Variants in MTMR7 observed in about 807,000 individuals in gnomAD.
MTMR7 encodes the protein myotubularin related protein 7.
In MTMR7, 76 loss-of-function variants were observed where a neutral mutation model predicts 81.2. The ratio of observed to expected loss-of-function variants is 0.94; its 90% CI spans 0.78 to 1.13. MTMR7 has a LOEUF of 1.13. Ranked by LOEUF, MTMR7 falls within the 50% of genes most tolerant of loss-of-function variation. The pLI is 0.00. For synonymous variants in MTMR7, 372 were observed against 289.8 expected (o/e 1.28, Z -2.88); for missense variants, 1,044 against 820.0 (o/e 1.27, Z -3.34).
At chr8:17,320,984 C>G (rs1818360993) in intron 7 of MTMR7, among the ~76,000 whole-genome samples, 1 of 144,326 alleles carries the variant, frequency 6.9e-6, no homozygotes. Flanking sequence ...CCATAGATAA[C>G]ATTCTCTTGC....
rs563695930 is a variant in MTMR7, at chr8:17,328,834, G to A, written c.865+2316C>T. ...ACTTCATTAAATAACAAAATTGCTT[G>A]CTATGTGACTGAAAGGCATCATTTT... On this transcript the variant is annotated intron_variant, in intron 7 of 13. Coordinates refer to ENST00000180173, the MANE Select transcript of MTMR7 (RefSeq NM_004686.5). Among the ~76,000 whole-genome samples the A allele has an allele frequency of 3.3e-5, 5 of 152,306 alleles. No homozygotes were observed. The South Asian group carries it at 1.0e-3, about 32-fold the overall frequency.
chr8:17,323,815 C>G (rs1478437412), intron 7 of MTMR7, among the ~76,000 whole-genome samples: 1 of 152,166 alleles, frequency 6.6e-6, no homozygotes, highest in Non-Finnish European at 1.5e-5. Context: ...TTAGCCACAA[C>G]TGTCTTGAGT....
chr8:17,354,783 C>G (rs966793122), intron 4 of MTMR7, among the ~76,000 whole-genome samples: 4 of 152,168 alleles, frequency 2.6e-5, no homozygotes, highest in Non-Finnish European at 5.9e-5. Context: ...GGATATCTCT[C>G]TCTCCATGGA....
rs1816839078 is a variant in MTMR7 at position 17,298,013 on chromosome 8, C to CTGTT, written c.*1845_*1848dup. The CTGTT allele has an allele frequency of 6.6e-6, 1 of 152,118 alleles. No individual in the cohort carries two copies. Among genetic ancestry groups the CTGTT allele is most frequent in the South Asian group, 2.1e-4 (1 of 4,828 alleles). The allele number at this position is 152,118 out of a possible 1,614,324, so 9.4% of individuals were successfully genotyped here. On this transcript the variant is annotated 3_prime_UTR_variant, in exon 14 of 14. Transcript: ENST00000180173. ...TTGCTTTTCAAATAAAAGCATAGTG[C>CTGTT]TGTTTGGCATAGATACTTTGTCATT...
chr8:17,407,555 C>A, intron 1 of MTMR7, among the ~76,000 whole-genome samples: 1 of 151,192 alleles, frequency 6.6e-6, no homozygotes, highest in Non-Finnish European at 1.5e-5. Flanking sequence ...TATAATAGCC[C>A]TAAAATGGGG....
chr8:17,355,782 T>C (rs1563354849), intron 4 of MTMR7, among the ~76,000 whole-genome samples: 4 of 151,610 alleles, frequency 2.6e-5, no homozygotes, highest in Admixed American at 2.0e-4. Flanking sequence ...AGCAAAAATG[T>C]GAGTAGATAA....
At chr8:17,372,789 A>C (rs1473752015) in intron 2 of MTMR7, among the ~76,000 whole-genome samples, 2 of 152,138 alleles carry the variant, frequency 1.3e-5, no homozygotes, top group Non-Finnish European at 2.9e-5. Context: ...GACTATTGCA[A>C]ATGGAGCACT....
chr8:17,297,603 A>G lies in MTMR7; in HGVS notation c.*2259T>C, dbSNP rs1324493353. On this transcript the variant is annotated 3_prime_UTR_variant, in exon 14 of 14. Transcript: ENST00000180173. The stretch of plus-strand genomic sequence containing the variant: ...AAAAAATAAATTACTTGCATTCTAT[A>G]TATTACTAATTGGGAAGTAATATGC... 6.6e-6 allele frequency: 1 copy of G among 152,068 alleles called. No homozygotes were observed. The highest frequency in any genetic ancestry group is 1.5e-5 in the Non-Finnish European group (1 of 67,948). 9.4% of individuals were successfully genotyped at this position (152,068 alleles called of 1,614,324 possible).
chr8:17,324,981 G>T (rs1163861392), intron 7 of MTMR7, among the ~76,000 whole-genome samples: 1 of 152,132 alleles, frequency 6.6e-6, no homozygotes, highest in African/African-American at 2.4e-5. Context: ...TGTGATAAAA[G>T]AAATACTTTT....
At chr8:17,325,091 G>A (rs902249527) in intron 7 of MTMR7, among the ~76,000 whole-genome samples, 4 of 152,010 alleles carry the variant, frequency 2.6e-5, no homozygotes, top group Non-Finnish European at 5.9e-5. Flanking sequence ...CATGAGGTAC[G>A]GAAGAATGTG....
intron 6 of MTMR7, among the ~76,000 whole-genome samples, chr8:17,340,295 T>C (rs1056467579): frequency 6.6e-6 from 1 of 152,314 alleles, no homozygotes; most frequent in African/African-American, 2.4e-5. Context: ...TCTATCCCAC[T>C]CTTGTTGCCT....
At chr8:17,321,737 A>G (rs1228336026) in intron 7 of MTMR7, among the ~76,000 whole-genome samples, 1 of 152,244 alleles carries the variant, frequency 6.6e-6, no homozygotes, top group Non-Finnish European at 1.5e-5. Flanking sequence ...CTGACATCAG[A>G]GACATATGCC....
At chr8:17,322,760 G>T (rs535178496) in intron 7 of MTMR7, among the ~76,000 whole-genome samples, 1 of 152,146 alleles carries the variant, frequency 6.6e-6, no homozygotes, top group African/African-American at 2.4e-5. Flanking sequence ...AGGAGTCAGA[G>T]GCTGCTGTGA....
intron 1 of MTMR7, among the ~76,000 whole-genome samples, chr8:17,391,199 G>C (rs1563375819): frequency 6.6e-6 from 1 of 152,118 alleles, no homozygotes; most frequent in Non-Finnish European, 1.5e-5. Flanking sequence ...CCAGTAGATG[G>C]ACAAACCTTG....
chr8:17,383,207 C>T (rs12679696), intron 1 of MTMR7, among the ~76,000 whole-genome samples: 54,420 of 151,962 alleles, frequency 0.36, 11,969 homozygotes, highest in Admixed American at 0.55. Context: ...TAACTAAGTG[C>T]TGATGCCAAA....
chr8:17,376,942 C>T (rs1461340440), intron 1 of MTMR7, among the ~76,000 whole-genome samples: 1 of 151,940 alleles, frequency 6.6e-6, no homozygotes, highest in Non-Finnish European at 1.5e-5. Context: ...GTCTTGTGTT[C>T]CTGCTATATG....
At chr8:17,405,440 A>C (rs1481392375) in intron 1 of MTMR7, among the ~76,000 whole-genome samples, 1 of 152,162 alleles carries the variant, frequency 6.6e-6, no homozygotes, top group African/African-American at 2.4e-5. Flanking sequence ...TGGATGCTGC[A>C]CAGAGCAGGG....
intron 7 of MTMR7, among the ~76,000 whole-genome samples, chr8:17,323,521 T>C (rs1435034008): frequency 2.0e-5 from 3 of 152,004 alleles, no homozygotes; most frequent in Non-Finnish European, 2.9e-5. Flanking sequence ...GTTGAGAGGC[T>C]GGAAAGTCCG....
At chr8:17,368,002 G>A (rs1820284973) in intron 3 of MTMR7, among the ~76,000 whole-genome samples, 1 of 151,160 alleles carries the variant, frequency 6.6e-6, no homozygotes, top group Non-Finnish European at 1.5e-5. Context: ...AAAAACAACT[G>A]TTTTGTCCTC....
Sources: allele counts gnomAD v4.1 joint callset (sites outside exome capture counted in the v4.1 genomes callset), GRCh38; gene constraint gnomAD v4.1.1; transcripts MANE v1.5; gene names NCBI Gene and HGNC (gene_info 2026-07-23, HGNC 2026-07-21).